GRIK3: variants seen among roughly 807,000 people sequenced by gnomAD.
GRIK3 encodes glutamate ionotropic receptor kainate type subunit 3.
Under a neutral mutation model 102.5 loss-of-function variants are expected in GRIK3, and 29 were observed. That is an observed-to-expected ratio of 0.28 (90% CI 0.21 to 0.39). GRIK3 has a LOEUF of 0.39. Ranked by LOEUF, GRIK3 falls within the 10% of genes least tolerant of loss-of-function variation. GRIK3 has a pLI of 1.00. For synonymous variants in GRIK3, 511 were observed against 504.9 expected (o/e 1.01, Z -0.16); for missense variants, 908 against 1,252.4 (o/e 0.73, Z 4.15).
In GRIK3 at chr1:36,804,919, A is replaced by G. The variant is rs773854433; in HGVS notation, c.2565+68T>C. ...TGAGACACCACTGTGTGCCTGGCACATACAGGAGTGAAATCAGCGCGAATC... is the reference window on the plus strand; with the variant it reads ...TGAGACACCACTGTGTGCCTGGCACGTACAGGAGTGAAATCAGCGCGAATC... On this transcript the variant is annotated intron_variant, in intron 15 of 15. Coordinates refer to ENST00000373091, the MANE Select transcript of GRIK3 (RefSeq NM_000831.4). 1.9e-6 allele frequency: 3 copies of G among 1,573,664 alleles called. No homozygotes were observed. In the Admixed American group the frequency reaches 5.1e-5, roughly 27 times the overall value.
At chr1:36,970,105 C>A (rs1230420097) in intron 1 of GRIK3, among the ~76,000 whole-genome samples, 1 of 152,146 alleles carries the variant, frequency 6.6e-6, no homozygotes, top group Non-Finnish European at 1.5e-5. Flanking sequence ...TTTCTGGAGA[C>A]CTGTGTTAGC....
chr1:36,967,371 C>T (rs1418241338), intron 1 of GRIK3, among the ~76,000 whole-genome samples: 1 of 152,236 alleles, frequency 6.6e-6, no homozygotes, highest in African/African-American at 2.4e-5. Context: ...TCTGCTCCAA[C>T]CTCCATGCCC....
At position 36,796,672 on chromosome 1, in the gene GRIK3, A is replaced by G. The variant is rs1335271289; in HGVS notation, c.*5179T>C. The G allele has an allele frequency of 6.6e-6, 1 of 152,234 alleles. No homozygotes were observed. The highest frequency in any genetic ancestry group is 1.5e-5 in the Non-Finnish European group (1 of 68,056). The allele number at this position is 152,234 out of a possible 1,614,324, so 9.4% of individuals were successfully genotyped here. A position where few individuals can be genotyped will look rare whatever the true frequency, so the allele number is the denominator to read the frequency against. ...TGCCCTGGGGGCATTCTCTTTAACA[A>G]GTGCTTTCCCTAGTTGTGAGCTGTG... On this transcript the variant is annotated 3_prime_UTR_variant, in exon 16 of 16. Transcript: ENST00000373091.
At chr1:36,847,391 G>A (rs1210019682) in intron 9 of GRIK3, among the ~76,000 whole-genome samples, 1 of 152,252 alleles carries the variant, frequency 6.6e-6, no homozygotes, top group Non-Finnish European at 1.5e-5. Flanking sequence ...GAATGGCCAT[G>A]AAACTGGAAG....
chr1:36,988,891 C>T (rs12080302), intron 1 of GRIK3, among the ~76,000 whole-genome samples: 24 of 152,236 alleles, frequency 1.6e-4, no homozygotes, highest in African/African-American at 5.5e-4. Context: ...GAAACACCCG[C>T]GCTTTATAAA....
chr1:36,949,574 CTTTTTTTTTTTTT>C (rs60157852), intron 1 of GRIK3, among the ~76,000 whole-genome samples: 3 of 99,666 alleles, frequency 3.0e-5, no homozygotes, highest in Non-Finnish European at 6.0e-5. Context: ...CTCTCTCTTT[CTTTTTTTTTTTTT>C]TTTTTTTTTT....
chr1:37,033,761 G>A (rs901996775), intron 1 of GRIK3, among the ~76,000 whole-genome samples: 8 of 152,198 alleles, frequency 5.3e-5, no homozygotes, highest in Non-Finnish European at 1.0e-4. Flanking sequence ...CCTCCCAGGA[G>A]CGCGCCAAGG....
intron 4 of GRIK3, among the ~76,000 whole-genome samples, chr1:36,870,687 T>C (rs1640833200): frequency 6.6e-6 from 1 of 152,172 alleles, no homozygotes; most frequent in South Asian, 2.1e-4. Context: ...TTCCAGAAGT[T>C]TTAAAATCAG....
chr1:36,801,706 A>T lies in GRIK3; in HGVS notation c.*145T>A, dbSNP rs1389252623. 5 of 571,668 alleles carry T rather than the reference A, an allele frequency of 8.7e-6. No homozygotes were observed. The highest frequency in any genetic ancestry group is 1.4e-5 in the Non-Finnish European group (5 of 346,986). 35.4% of individuals were successfully genotyped at this position (571,668 alleles called of 1,614,324 possible). ...CCTGAGAGCCTGCTGGCTTCCTGGC[A>T]GGTAAGGGCAGGAGGCTCCTGGCCC... On this transcript the variant is annotated 3_prime_UTR_variant, in exon 16 of 16. Coordinates refer to ENST00000373091, the MANE Select transcript of GRIK3 (RefSeq NM_000831.4).
intron 10 of GRIK3, among the ~76,000 whole-genome samples, chr1:36,838,434 G>A (rs1450933770): frequency 6.6e-6 from 1 of 152,202 alleles, no homozygotes; most frequent in Non-Finnish European, 1.5e-5. Context: ...ATTTAGATGA[G>A]AGATGGGGGA....
chr1:37,026,564 C>T (rs546440034), intron 1 of GRIK3, among the ~76,000 whole-genome samples: 37 of 152,202 alleles, frequency 2.4e-4, no homozygotes, highest in Non-Finnish European at 3.7e-4. Context: ...AAGAGCTTTA[C>T]GTACTTTATC....
intron 1 of GRIK3, among the ~76,000 whole-genome samples, chr1:36,947,718 T>C (rs943896116): frequency 6.6e-6 from 1 of 152,000 alleles, no homozygotes; most frequent in African/African-American, 2.4e-5. Flanking sequence ...GCAGCTGACA[T>C]CTAATATGCT....
chr1:36,824,753 A>C (rs1003002630), intron 11 of GRIK3, among the ~76,000 whole-genome samples: 1 of 152,090 alleles, frequency 6.6e-6, no homozygotes, highest in Non-Finnish European at 1.5e-5. Context: ...AGCGGGCCCC[A>C]GCAGCCACCA....
At chr1:36,821,537 G>A (rs774864361) in intron 11 of GRIK3, among the ~76,000 whole-genome samples, 1 of 152,214 alleles carries the variant, frequency 6.6e-6, no homozygotes, top group Non-Finnish European at 1.5e-5. Context: ...GGTGGAACCA[G>A]GAGAGTCCCT....
intron 1 of GRIK3, among the ~76,000 whole-genome samples, chr1:36,907,317 T>C (rs1265698271): frequency 1.3e-5 from 2 of 152,004 alleles, no homozygotes; most frequent in African/African-American, 4.8e-5. Flanking sequence ...GGAACAGAGA[T>C]GAAGTGGACC....
At chr1:37,027,636 A>C (rs1642777229) in intron 1 of GRIK3, among the ~76,000 whole-genome samples, 1 of 152,192 alleles carries the variant, frequency 6.6e-6, no homozygotes, top group South Asian at 2.1e-4. Context: ...TTTTGAAAAG[A>C]CGTCACACGT....
intron 5 of GRIK3, among the ~76,000 whole-genome samples, chr1:36,862,301 G>A (rs898966976): frequency 6.6e-6 from 1 of 152,102 alleles, no homozygotes; most frequent in Non-Finnish European, 1.5e-5. Flanking sequence ...TCTGTGTTTT[G>A]TCTTTTTTCT....
At chr1:37,012,815 G>C (rs1464177751) in intron 1 of GRIK3, among the ~76,000 whole-genome samples, 1 of 152,168 alleles carries the variant, frequency 6.6e-6, no homozygotes, top group Non-Finnish European at 1.5e-5. Flanking sequence ...GTGCAAACTG[G>C]GGCTCCTCAG....
At chr1:36,867,813 G>A (rs1000484713) in intron 5 of GRIK3, among the ~76,000 whole-genome samples, 12 of 152,052 alleles carry the variant, frequency 7.9e-5, no homozygotes, top group African/African-American at 2.9e-4. Flanking sequence ...CCCCCTCTGG[G>A]CCTTGCTCCA....
Sources: gnomAD v4.1 joint callset for allele counts (sites outside exome capture counted in the v4.1 genomes callset) on GRCh38, gnomAD v4.1.1 for gene constraint, MANE v1.5 for transcripts, NCBI Gene and HGNC (gene_info 2026-07-23, HGNC 2026-07-21) for gene names.